The following ERBIN variants were observed in gnomAD, a reference collection of about 807,000 sequenced individuals.
The protein encoded by ERBIN is densin-180-like protein.
In ERBIN, 60 loss-of-function variants were observed where a neutral mutation model predicts 158.4. That is an observed-to-expected ratio of 0.38 (90% CI 0.31 to 0.47). The LOEUF is 0.47. Among genes scored for constraint, ERBIN ranks in the 20% least tolerant of loss-of-function variants. ERBIN has a pLI of 0.99. For synonymous variants in ERBIN, 594 were observed against 557.2 expected, an observed-to-expected ratio of 1.07 and a Z score of -0.93; for missense variants, 1,610 against 1,648.0, an observed-to-expected ratio of 0.98 and a Z score of 0.40.
intron 21 of ERBIN, among the ~76,000 whole-genome samples, chr5:66,071,787 G>A (rs760033036): frequency 6.8e-6 from 1 of 147,990 alleles, no homozygotes; most frequent in African/African-American, 2.5e-5. Flanking sequence ...GTTTTAGTTG[G>A]TCTTAAAATT....
At chr5:66,067,310 G>A (rs757681501) in intron 21 of ERBIN, among the ~76,000 whole-genome samples, 7 of 152,118 alleles carry the variant, frequency 4.6e-5, no homozygotes, top group East Asian at 1.9e-4. Context: ...GGCATTAGAC[G>A]TCAACTTCAG....
chr5:65,991,048 G>T (rs779850150), intron 2 of ERBIN, among the ~76,000 whole-genome samples: 18 of 152,082 alleles, frequency 1.2e-4, no homozygotes, highest in Non-Finnish European at 2.1e-4. Flanking sequence ...GAGCTACTGC[G>T]CCCAGCCTAG....
At chr5:66,031,955 C>G (rs1756925327) in intron 14 of ERBIN, among the ~76,000 whole-genome samples, 1 of 152,046 alleles carries the variant, frequency 6.6e-6, no homozygotes, top group Admixed American at 6.6e-5. Flanking sequence ...GATCTTCCCA[C>G]CCCAGCCTCC....
chr5:66,042,313 A>G (rs1757988826), intron 15 of ERBIN, among the ~76,000 whole-genome samples: 1 of 152,018 alleles, frequency 6.6e-6, no homozygotes, highest in South Asian at 2.1e-4. Flanking sequence ...AGCCTTATGT[A>G]TTTTTTAGAT....
rs1479190196 is a variant in ERBIN, at chr5:66,079,951, T to C, written c.*1421T>C. On this transcript the variant is annotated 3_prime_UTR_variant, in exon 26 of 26. Coordinates refer to ENST00000284037, the MANE Select transcript of ERBIN (RefSeq NM_001253697.2). The stretch of plus-strand genomic sequence containing the variant: ...ATAAAATTTGAGTAACATGTAATGG[T>C]AAGGATTAATGCATGGTTATTTGGA... 6.6e-6 allele frequency: 1 copy of C among 152,162 alleles called. No homozygotes were observed. Among genetic ancestry groups the C allele is most frequent in the African/African-American group, 2.4e-5 (1 of 41,440 alleles). The allele number at this position is 152,162 out of a possible 1,614,324, so 9.4% of individuals were successfully genotyped here. A position where few individuals can be genotyped will look rare whatever the true frequency, so the allele number is the denominator to read the frequency against.
intron 1 of ERBIN, among the ~76,000 whole-genome samples, chr5:65,973,878 A>G (rs1367854379): frequency 6.6e-6 from 1 of 151,324 alleles, no homozygotes; most frequent in East Asian, 1.9e-4. Flanking sequence ...TTTAAGGAAA[A>G]AAATTAGGTG....
At chr5:66,036,403 A>G (rs1259591907) in intron 14 of ERBIN, among the ~76,000 whole-genome samples, 1 of 151,858 alleles carries the variant, frequency 6.6e-6, no homozygotes, top group Non-Finnish European at 1.5e-5. Context: ...ATTCATTCTC[A>G]TTTCTCTAAA....
In ERBIN at chr5:66,079,694, G is replaced by C. The variant is rs973812855; in HGVS notation, c.*1164G>C. 4 of 152,578 alleles carry C rather than the reference G, an allele frequency of 2.6e-5. No individual in the cohort carries two copies. The highest frequency in any genetic ancestry group is 9.7e-5 in the African/African-American group (4 of 41,428). 9.5% of individuals were successfully genotyped at this position (152,578 alleles called of 1,614,324 possible). ...GCAAAGGGATGGGTCCTTGAGGCCTGCCAGTGTGTAAAGGTGTTCAAATAA... is the reference window on the plus strand; with the variant it reads ...GCAAAGGGATGGGTCCTTGAGGCCTCCCAGTGTGTAAAGGTGTTCAAATAA... On this transcript the variant is annotated 3_prime_UTR_variant, in exon 26 of 26. Coordinates refer to ENST00000284037, the MANE Select transcript of ERBIN (RefSeq NM_001253697.2).
chr5:65,957,807 C>G (rs989672879), intron 1 of ERBIN, among the ~76,000 whole-genome samples: 1 of 151,730 alleles, frequency 6.6e-6, no homozygotes, highest in Non-Finnish European at 1.5e-5. Flanking sequence ...AGAGGCGCAC[C>G]CCACCTCCCG....
At chr5:66,002,696 G>C (rs933640426) in intron 4 of ERBIN, among the ~76,000 whole-genome samples, 1 of 150,972 alleles carries the variant, frequency 6.6e-6, no homozygotes, top group Non-Finnish European at 1.5e-5. Flanking sequence ...CTTTTAACTT[G>C]AGAAAATCTG....
chr5:66,027,070 A>AGAGATAG (rs1561394176), intron 13 of ERBIN, among the ~76,000 whole-genome samples: 4 of 152,006 alleles, frequency 2.6e-5, no homozygotes, highest in Non-Finnish European at 5.9e-5. Flanking sequence ...ACTAATGATG[A>AGAGATAG]TTAAACAGCA....
intron 4 of ERBIN, among the ~76,000 whole-genome samples, chr5:65,997,628 C>T (rs1332225687): frequency 6.6e-6 from 1 of 152,090 alleles, no homozygotes; most frequent in Non-Finnish European, 1.5e-5. Flanking sequence ...AGGACTTTCA[C>T]TAAACGCTAA....
chr5:65,967,539 A>T (rs1263490983), intron 1 of ERBIN, among the ~76,000 whole-genome samples: 3 of 152,214 alleles, frequency 2.0e-5, no homozygotes, highest in African/African-American at 7.2e-5. Context: ...GTCTAGTGGC[A>T]GTAGGCTACA....
chr5:66,038,299 T>C, intron 14 of ERBIN, 84 bp from the exon 15 acceptor site: 2 of 737,136 alleles, frequency 2.7e-6, no homozygotes, highest in South Asian at 4.2e-5. Context: ...ATAGAAAAAG[T>C]GGTGTGTACT....
rs535552777 is a variant in ERBIN, at chr5:65,993,267, G to A, written c.189+360G>A. ...TTCCTACTTTTCATAAGACATTAAT[G>A]TGTATTGTTATAATTGAGGGCAATT... On this transcript the variant is annotated intron_variant, in intron 3 of 25. Transcript: ENST00000284037. Among the ~76,000 whole-genome samples the A allele has an allele frequency of 2.0e-4, 30 of 152,240 alleles. No homozygotes were observed. In the South Asian group the frequency reaches 5.8e-3, roughly 29 times the overall value.
chr5:65,945,108 A>C (rs1365619112), intron 1 of ERBIN, among the ~76,000 whole-genome samples: 1 of 152,242 alleles, frequency 6.6e-6, no homozygotes. Context: ...AAATCTCCTC[A>C]GTTTAGGAGT....
At chr5:66,032,615 T>C (rs1450445962) in intron 14 of ERBIN, among the ~76,000 whole-genome samples, 1 of 152,102 alleles carries the variant, frequency 6.6e-6, no homozygotes, top group African/African-American at 2.4e-5. Context: ...CACACTGATA[T>C]TTTAGAAAGG....
At chr5:66,067,057 G>A (rs925385212) in intron 21 of ERBIN, among the ~76,000 whole-genome samples, 17 of 152,308 alleles carry the variant, frequency 1.1e-4, no homozygotes, top group African/African-American at 3.4e-4. Context: ...CAGCAAATGT[G>A]TGTGTCTGTT....
intron 1 of ERBIN, among the ~76,000 whole-genome samples, chr5:65,957,204 T>A (rs999270466): frequency 1.3e-5 from 2 of 151,508 alleles, no homozygotes; most frequent in African/African-American, 4.9e-5. Context: ...GATTTTTTTT[T>A]TAAATTTTTA....
Sources: allele counts gnomAD v4.1 joint callset (sites outside exome capture counted in the v4.1 genomes callset), GRCh38; gene constraint gnomAD v4.1.1; transcripts MANE v1.5; gene names NCBI Gene and HGNC (gene_info 2026-07-23, HGNC 2026-07-21).